ADGRA3: variants seen among roughly 807,000 people sequenced by gnomAD.
The protein encoded by ADGRA3 is adhesion G protein-coupled receptor A3.
A neutral mutation model predicts 119.8 loss-of-function variants in ADGRA3; 56 were observed. The ratio of observed to expected loss-of-function variants is 0.47; its 90% confidence interval spans 0.38 to 0.58. The LOEUF (loss-of-function observed/expected upper bound fraction) is 0.58, where lower values mean the gene tolerates loss of function less well. Among genes scored for constraint, ADGRA3 ranks in the 20% least tolerant of loss-of-function variants. The pLI, the probability that ADGRA3 is intolerant of heterozygous loss-of-function variation, is 0.00. For synonymous variants in ADGRA3, 607 were observed against 623.8 expected (o/e 0.97, Z 0.40); for missense variants, 1,516 against 1,649.0 (o/e 0.92, Z 1.40).
In ADGRA3 at chr4:22,412,053, G is replaced by T. The variant is rs1349528389; in HGVS notation, c.2232+1129C>A. Among the ~76,000 whole-genome samples the T allele has an allele frequency of 3.9e-5, 6 of 151,920 alleles. No homozygotes were observed. The East Asian group carries it at 1.2e-3, about 29-fold the overall frequency. On this transcript the variant is annotated intron_variant, in intron 14 of 18. Coordinates refer to ENST00000334304, the MANE Select transcript of ADGRA3 (RefSeq NM_145290.4). ...GCTAAATGCTATTTTTTTAAGAAAA[G>T]AAAAATTCATGAAATGTAAAATATA...
intron 10 of ADGRA3, among the ~76,000 whole-genome samples, chr4:22,434,203 T>C (rs1165108587): frequency 6.9e-6 from 1 of 145,466 alleles, no homozygotes. Context: ...ATATATTATA[T>C]AATATATTAG....
At chr4:22,398,907 G>A (rs1449585078) in intron 16 of ADGRA3, among the ~76,000 whole-genome samples, 2 of 152,150 alleles carry the variant, frequency 1.3e-5, no homozygotes, top group African/African-American at 4.8e-5. Context: ...CAGGAGTGGG[G>A]CTGCTGGGTT....
chr4:22,436,365 A>C, intron 9 of ADGRA3, 75 bp downstream of exon 9: 1 of 1,211,172 alleles, frequency 8.3e-7, no homozygotes, highest in East Asian at 2.5e-5. Context: ...TAAAAAAAAA[A>C]AAAAAACTTA....
intron 4 of ADGRA3, among the ~76,000 whole-genome samples, chr4:22,450,951 A>AAAAAT (rs1329338329): frequency 8.1e-6 from 1 of 122,808 alleles, no homozygotes; most frequent in African/African-American, 3.3e-5. Flanking sequence ...AAAAAAAAAA[A>AAAAAT]ATATATATAT....
chr4:22,481,533 TA>T (rs1718261620), intron 1 of ADGRA3, among the ~76,000 whole-genome samples: 1 of 152,222 alleles, frequency 6.6e-6, no homozygotes, highest in African/African-American at 2.4e-5. Flanking sequence ...TCAATGCCCT[TA>T]AAGGTTTGTT....
intron 5 of ADGRA3, among the ~76,000 whole-genome samples, chr4:22,446,824 T>A (rs1352952146): frequency 2.6e-5 from 4 of 152,292 alleles, no homozygotes; most frequent in East Asian, 1.9e-4. Context: ...GGATAATTTA[T>A]AGTCTGAGAT....
At chr4:22,409,923 T>G (rs966507844) in intron 14 of ADGRA3, among the ~76,000 whole-genome samples, 1 of 152,246 alleles carries the variant, frequency 6.6e-6, no homozygotes, top group African/African-American at 2.4e-5. Flanking sequence ...TTTCACTGTA[T>G]GTTAATGTGT....
intron 1 of ADGRA3, among the ~76,000 whole-genome samples, chr4:22,480,299 A>G (rs553883805): frequency 6.6e-6 from 1 of 152,286 alleles, no homozygotes; most frequent in South Asian, 2.1e-4. Flanking sequence ...GATGTCACAA[A>G]TAACTTTTCA....
At chr4:22,492,079 C>T (rs1316634187) in intron 1 of ADGRA3, among the ~76,000 whole-genome samples, 1 of 152,152 alleles carries the variant, frequency 6.6e-6, no homozygotes, top group African/African-American at 2.4e-5. Flanking sequence ...TCCTAATACA[C>T]ATATTCCTTC....
chr4:22,509,841 T>G (rs1719382291), intron 1 of ADGRA3, among the ~76,000 whole-genome samples: 1 of 151,564 alleles, frequency 6.6e-6, no homozygotes, highest in East Asian at 2.0e-4. Context: ...AAACCCCGTC[T>G]CTACTAAAAA....
At chr4:22,477,806 C>CCTG (rs1718104963) in intron 1 of ADGRA3, 2 of 152,186 alleles carry the variant, frequency 1.3e-5, no homozygotes, top group African/African-American at 4.8e-5. Flanking sequence ...TCAGTCTACA[C>CCTG]ATTATTTGAT....
At chr4:22,398,529 A>C (rs1185703598) in intron 16 of ADGRA3, among the ~76,000 whole-genome samples, 1 of 152,088 alleles carries the variant, frequency 6.6e-6, no homozygotes, top group Non-Finnish European at 1.5e-5. Flanking sequence ...TATCCTCTGT[A>C]TCATCACCCT....
intron 3 of ADGRA3, among the ~76,000 whole-genome samples, chr4:22,458,468 T>A (rs1005992169): frequency 6.6e-6 from 1 of 152,176 alleles, no homozygotes; most frequent in Non-Finnish European, 1.5e-5. Flanking sequence ...TTCAATTCCA[T>A]ATCCAGACTC....
chr4:22,394,569 A>G (rs938400253), intron 16 of ADGRA3: 1 of 152,232 alleles, frequency 6.6e-6, no homozygotes, highest in Non-Finnish European at 1.5e-5. Flanking sequence ...ATAGAAACCA[A>G]TAAATTCAAA....
intron 14 of ADGRA3, among the ~76,000 whole-genome samples, chr4:22,407,474 C>A (rs1429778438): frequency 6.6e-6 from 1 of 151,952 alleles, no homozygotes; most frequent in Non-Finnish European, 1.5e-5. Context: ...GTATGAGACA[C>A]CTTTGAGTAG....
intron 1 of ADGRA3, among the ~76,000 whole-genome samples, chr4:22,498,618 A>G (rs1332658496): frequency 6.7e-6 from 1 of 150,256 alleles, no homozygotes; most frequent in African/African-American, 2.5e-5. Flanking sequence ...CACCGTCCCA[A>G]AAAAGAAAAA....
intron 1 of ADGRA3, 121 bp downstream of exon 1, chr4:22,515,407 C>T (rs1719614417): frequency 8.1e-7 from 1 of 1,232,394 alleles, no homozygotes; most frequent in Non-Finnish European, 1.1e-6. Context: ...CCTAGCACCG[C>T]CCCCTGCCTA....
chr4:22,497,171 C>T (rs115779328), intron 1 of ADGRA3, among the ~76,000 whole-genome samples: 386 of 152,182 alleles, frequency 2.5e-3, no homozygotes, highest in African/African-American at 8.7e-3. Flanking sequence ...TCAAAGGATT[C>T]TGTAATAAAT....
intron 6 of ADGRA3, chr4:22,443,082 TTA>T (rs758014815): frequency 1.5e-6 from 1 of 685,452 alleles, no homozygotes; most frequent in South Asian, 1.6e-5. Flanking sequence ...GTTCTGACAT[TTA>T]GAGTTATTCC....
Sources: allele counts gnomAD v4.1 joint callset (sites outside exome capture counted in the v4.1 genomes callset), GRCh38; gene constraint gnomAD v4.1.1; transcripts MANE v1.5; gene names NCBI Gene and HGNC (gene_info 2026-07-23, HGNC 2026-07-21).